NFIA: variants seen among roughly 807,000 people sequenced by gnomAD.
The protein encoded by NFIA is nuclear factor 1 A-type.
A neutral mutation model predicts 62.8 loss-of-function variants in NFIA; 8 were observed. The ratio of observed to expected loss-of-function variants is 0.13; its 90% CI spans 0.07 to 0.23. NFIA has a LOEUF of 0.23. Ranked by LOEUF, NFIA falls within the 10% of genes least tolerant of loss-of-function variation. The pLI is 1.00. For synonymous variants in NFIA, 235 were observed against 238.1 expected, an observed-to-expected ratio of 0.99 and a Z score of 0.12; for missense variants, 410 against 642.1, an observed-to-expected ratio of 0.64 and a Z score of 3.91.
intron 9 of NFIA, among the ~76,000 whole-genome samples, chr1:61,424,089 T>C (rs931786904): frequency 2.0e-5 from 3 of 152,166 alleles, no homozygotes; most frequent in African/African-American, 7.2e-5. Context: ...GAAGCTCTGG[T>C]AGGCTTTGAT....
intron 9 of NFIA, among the ~76,000 whole-genome samples, chr1:61,419,569 C>G (rs1414733094): frequency 6.6e-6 from 1 of 152,184 alleles, no homozygotes; most frequent in African/African-American, 2.4e-5. Flanking sequence ...TCTCTGTGTG[C>G]ACATTATAAC....
chr1:61,453,445 T>G (rs895595637), intron 10 of NFIA, among the ~76,000 whole-genome samples: 1,352 of 32,986 alleles, frequency 0.041, 29 homozygotes, highest in African/African-American at 0.093. Flanking sequence ...TGAAGAAACT[T>G]TTTTTTTTTT....
At chr1:61,155,097 T>G (rs960411797) in intron 2 of NFIA, among the ~76,000 whole-genome samples, 7 of 152,222 alleles carry the variant, frequency 4.6e-5, no homozygotes, top group Non-Finnish European at 8.8e-5. Context: ...GCTTACCGTG[T>G]GGAATAAATT....
At chr1:61,452,576 C>G (rs1668104932) in intron 10 of NFIA, among the ~76,000 whole-genome samples, 1 of 152,132 alleles carries the variant, frequency 6.6e-6, no homozygotes, top group African/African-American at 2.4e-5. Context: ...GACACCCCAC[C>G]ACAGGGCAGC....
intron 3 of NFIA, among the ~76,000 whole-genome samples, chr1:61,306,124 A>G (rs1237271412): frequency 1.3e-5 from 2 of 151,756 alleles, no homozygotes; most frequent in Non-Finnish European, 2.9e-5. Context: ...TGCTGGGATT[A>G]CAGGCGTGAG....
rs113069530 is a variant in NFIA, at chr1:61,341,739, A to G, written c.700+9153A>G. On this transcript the variant is annotated intron_variant, in intron 4 of 10. Transcript: ENST00000403491. ...GAGATCTGCCTGCCTTGGCCTCCCA[A>G]AGTGCCTGGATTACAGGCGTGAGCC... Among the ~76,000 whole-genome samples, 923 of 152,314 alleles carry G rather than the reference A, an allele frequency of 6.1e-3. 9 individuals are homozygous for G. The highest frequency in any genetic ancestry group is 0.021 in the African/African-American group (882 of 41,570).
At chr1:61,432,487 T>C (rs1425370355) in intron 10 of NFIA, among the ~76,000 whole-genome samples, 1 of 151,732 alleles carries the variant, frequency 6.6e-6, no homozygotes, top group Non-Finnish European at 1.5e-5. Context: ...TGACAGGAGC[T>C]GCCTGAGTGT....
intron 2 of NFIA, chr1:61,132,835 G>A (rs1168901159): frequency 6.6e-6 from 1 of 152,178 alleles, no homozygotes; most frequent in African/African-American, 2.4e-5. Context: ...TTACACAATA[G>A]TGGGTCTTTT....
intron 2 of NFIA, among the ~76,000 whole-genome samples, chr1:61,120,910 G>A (rs1173930988): frequency 6.6e-6 from 1 of 152,152 alleles, no homozygotes; most frequent in Non-Finnish European, 1.5e-5. Flanking sequence ...GCCATACTTT[G>A]CATTTTATGA....
At chr1:61,389,185 AT>A (rs766742140) in intron 7 of NFIA, among the ~76,000 whole-genome samples, 1 of 152,130 alleles carries the variant, frequency 6.6e-6, no homozygotes, top group Non-Finnish European at 1.5e-5. Flanking sequence ...AGGGATTGAG[AT>A]TTCTTCTCCT....
At chr1:61,341,060 C>CTTTTTTTT (rs35203949) in intron 4 of NFIA, among the ~76,000 whole-genome samples, 3 of 108,790 alleles carry the variant, frequency 2.8e-5, no homozygotes, top group Admixed American at 1.1e-4. Context: ...TACCGGCATT[C>CTTTTTTTT]TTTTTTTTTT....
chr1:61,206,337 A>C (rs374852391), intron 2 of NFIA, among the ~76,000 whole-genome samples: 2 of 152,310 alleles, frequency 1.3e-5, no homozygotes, highest in South Asian at 2.1e-4. Flanking sequence ...TTGGATGCAG[A>C]GTTTCTTTCT....
At chr1:61,385,125 T>C (rs1459481551) in intron 7 of NFIA, among the ~76,000 whole-genome samples, 2 of 151,990 alleles carry the variant, frequency 1.3e-5, no homozygotes, top group Non-Finnish European at 2.9e-5. Context: ...AAATCCCAGC[T>C]ACCTGTGAGG....
intron 2 of NFIA, among the ~76,000 whole-genome samples, chr1:61,244,646 T>C (rs1188571090): frequency 6.6e-6 from 1 of 152,224 alleles, no homozygotes; most frequent in Non-Finnish European, 1.5e-5. Context: ...TTATTTACTT[T>C]TAAGTAGGAT....
chr1:61,434,230 T>C (rs1667231112), intron 10 of NFIA, among the ~76,000 whole-genome samples: 1 of 152,172 alleles, frequency 6.6e-6, no homozygotes, highest in Admixed American at 6.5e-5. Context: ...AGGAGGTACC[T>C]AAATCGAGGT....
At chr1:61,247,626 A>T (rs934784491) in intron 2 of NFIA, among the ~76,000 whole-genome samples, 1 of 152,052 alleles carries the variant, frequency 6.6e-6, no homozygotes, top group Non-Finnish European at 1.5e-5. Context: ...GTGTGAGGGG[A>T]GGTGAGAGGG....
At chr1:61,218,364 A>ATG (rs1426660543) in intron 2 of NFIA, among the ~76,000 whole-genome samples, 2 of 152,176 alleles carry the variant, frequency 1.3e-5, no homozygotes, top group African/African-American at 4.8e-5. Flanking sequence ...AAAGTGGTGT[A>ATG]TGTTGGAGTA....
At chr1:61,229,672 C>T (rs1654547741) in intron 2 of NFIA, among the ~76,000 whole-genome samples, 1 of 152,112 alleles carries the variant, frequency 6.6e-6, no homozygotes, top group Non-Finnish European at 1.5e-5. Flanking sequence ...CCTTCCTCCC[C>T]AACATGCATT....
intron 7 of NFIA, among the ~76,000 whole-genome samples, chr1:61,393,035 C>A (rs1665062024): frequency 6.6e-6 from 1 of 151,888 alleles, no homozygotes; most frequent in South Asian, 2.1e-4. Flanking sequence ...CTTAGAAACC[C>A]CCTCATTTTA....
Sources: gnomAD v4.1 joint callset for allele counts (sites outside exome capture counted in the v4.1 genomes callset) on GRCh38, gnomAD v4.1.1 for gene constraint, MANE v1.5 for transcripts, NCBI Gene and HGNC (gene_info 2026-07-23, HGNC 2026-07-21) for gene names.